TRAK1: variants seen among roughly 807,000 people sequenced by gnomAD.
TRAK1 encodes the protein trafficking kinesin-binding protein 1.
Under a neutral mutation model 92.1 loss-of-function variants are expected in TRAK1, and 33 were observed. The ratio of observed to expected loss-of-function variants is 0.36; its 90% CI spans 0.27 to 0.48. The LOEUF (loss-of-function observed/expected upper bound fraction) is 0.48, where lower values mean the gene tolerates loss of function less well. Ranked by LOEUF, TRAK1 falls within the 20% of genes least tolerant of loss-of-function variation. TRAK1 has a pLI of 0.99. For synonymous variants in TRAK1, 521 were observed against 517.3 expected (o/e 1.01, Z -0.10); for missense variants, 1,123 against 1,257.9 (o/e 0.89, Z 1.62).
chr3:42,151,798 C>T (rs1251354712), intron 2 of TRAK1, among the ~76,000 whole-genome samples: 1 of 152,160 alleles, frequency 6.6e-6, no homozygotes, highest in Non-Finnish European at 1.5e-5. Context: ...CTTTTATTTG[C>T]CTCTGTCTTT....
chr3:42,152,990 T>A (rs1208506149), intron 2 of TRAK1, among the ~76,000 whole-genome samples: 2 of 152,180 alleles, frequency 1.3e-5, no homozygotes. Flanking sequence ...GGAACCTTTA[T>A]GGAGTGTAAA....
intron 1 of TRAK1, among the ~76,000 whole-genome samples, chr3:42,110,256 G>A (rs187377521): frequency 2.6e-5 from 4 of 151,640 alleles, no homozygotes; most frequent in South Asian, 2.1e-4. Flanking sequence ...GGCAGTTCCC[G>A]GCTGTGGCTG....
In TRAK1 at chr3:42,223,872, A is replaced by C; in HGVS notation, c.*135A>C. 2 of 1,048,130 alleles carry C rather than the reference A, an allele frequency of 1.9e-6. No individual in the cohort carries two copies. Among genetic ancestry groups the C allele is most frequent in the Non-Finnish European group, 2.8e-6 (2 of 723,164 alleles). The allele number at this position is 1,048,130 out of a possible 1,614,324, so 64.9% of individuals were successfully genotyped here. A position where few individuals can be genotyped will look rare whatever the true frequency, so the allele number is the denominator to read the frequency against. On this transcript the variant is annotated 3_prime_UTR_variant, in exon 16 of 16. Transcript: ENST00000327628. The surrounding 1 kb of genome is among the most constrained non-coding windows in gnomAD (Gnocchi z 6.1). ...CACCCCCTCCTAAGCTAGACAAATC[A>C]ACCTCGTGCCTAATGGAGGAAGTGT...
In TRAK1 at chr3:42,173,392, A is replaced by G. The variant is rs546567732; in HGVS notation, c.287-3422A>G. Among the ~76,000 whole-genome samples the G allele has an allele frequency of 2.0e-5, 3 of 152,280 alleles. No individual in the cohort carries two copies. The East Asian group carries it at 5.8e-4, about 29-fold the overall frequency. On this transcript the variant is annotated intron_variant, in intron 2 of 15. Transcript: ENST00000327628. ...ACCTGTGTTTATGCTGTCTGAAGGCATGGTTTATTATTTTTTCACCTTCAT... is the reference window on the plus strand; with the variant it reads ...ACCTGTGTTTATGCTGTCTGAAGGCGTGGTTTATTATTTTTTCACCTTCAT...
intron 3 of TRAK1, among the ~76,000 whole-genome samples, chr3:42,183,826 G>T (rs1704393008): frequency 6.6e-6 from 1 of 152,160 alleles, no homozygotes; most frequent in African/African-American, 2.4e-5. Context: ...AATCTGACTG[G>T]TAGCAACTCG....
At chr3:42,027,879 C>T (rs1283083214) in intron 1 of TRAK1, among the ~76,000 whole-genome samples, 8 of 151,968 alleles carry the variant, frequency 5.3e-5, no homozygotes, top group Non-Finnish European at 1.2e-4. Flanking sequence ...GATGGAGTTT[C>T]GCTCTCGTTG....
Position 42,047,922 on chromosome 3 carries a change from C to CTTTTTT in TRAK1, c.-519+33817_-519+33822dup, listed in dbSNP as rs11422406. 2.9e-4 allele frequency among the ~76,000 whole-genome samples: 37 copies of CTTTTTT among 129,186 alleles called. 1 individual carries two copies. The highest frequency in any genetic ancestry group is 4.1e-4 in the Non-Finnish European group (25 of 61,562). The allele number at this position is 129,186 out of a possible 152,430, so 84.8% of individuals were successfully genotyped here. A position where few individuals can be genotyped will look rare whatever the true frequency, so the allele number is the denominator to read the frequency against. On this transcript the variant is annotated intron_variant, in intron 1 of 16. Coordinates refer to the TRAK1 transcript ENST00000487159. ...AACACTCCCCCCCATAGTTTCTTTTCTTTTTTTTTTTTTTTTTGGTAAAAT... is the reference window on the plus strand; with the variant it reads ...AACACTCCCCCCCATAGTTTCTTTTCTTTTTTTTTTTTTTTTTTTTTTTGGTAAAAT...
upstream of TRAK1, among the ~76,000 whole-genome samples, chr3:42,083,574 C>T (rs1232084057): frequency 6.6e-6 from 1 of 152,112 alleles, no homozygotes; most frequent in African/African-American, 2.4e-5. Flanking sequence ...CTATCTTTCA[C>T]TTAAATTTCT....
intron 1 of TRAK1, among the ~76,000 whole-genome samples, chr3:42,123,481 C>T (rs1710166509): frequency 6.6e-6 from 1 of 152,250 alleles, no homozygotes; most frequent in Admixed American, 6.5e-5. Context: ...TGACAGTAGC[C>T]TCCCGTGTGG....
intron 1 of TRAK1, among the ~76,000 whole-genome samples, chr3:42,072,587 T>G (rs1703984504): frequency 6.6e-6 from 1 of 151,816 alleles, no homozygotes; most frequent in Non-Finnish European, 1.5e-5. Flanking sequence ...TCTTCCTCAT[T>G]TTGGGAGACA....
chr3:42,053,230 T>C (rs1703051515), intron 1 of TRAK1, among the ~76,000 whole-genome samples: 1 of 152,050 alleles, frequency 6.6e-6, no homozygotes, highest in Non-Finnish European at 1.5e-5. Flanking sequence ...TTTTCTCTAA[T>C]GTTTACAGTT....
At chr3:42,075,320 G>A in intron 1 of TRAK1, among the ~76,000 whole-genome samples, 1 of 117,008 alleles carries the variant, frequency 8.5e-6, no homozygotes, top group African/African-American at 3.6e-5. Flanking sequence ...CAGCTTGGGT[G>A]ACAGAGTGAG....
At chr3:42,044,536 A>G (rs1702682123) in intron 1 of TRAK1, among the ~76,000 whole-genome samples, 1 of 152,202 alleles carries the variant, frequency 6.6e-6, no homozygotes, top group African/African-American at 2.4e-5. Flanking sequence ...TAAGAGGGCA[A>G]CTTTCCTAGA....
In TRAK1 at chr3:42,170,017, C is replaced by G. The variant is rs1702354574; in HGVS notation, c.287-6797C>G. On this transcript the variant is annotated intron_variant, in intron 2 of 15. Transcript: ENST00000327628. ...AATGGCAGGCACACAAGTGCGAGGC[C>G]AGACATCTGAGAGTGGCATCACTGG... is the stretch of plus-strand genomic sequence containing the variant. Among the ~76,000 whole-genome samples, 3 of 152,116 alleles carry G rather than the reference C, an allele frequency of 2.0e-5. No homozygotes were observed. The South Asian group carries it at 6.2e-4, about 32-fold the overall frequency.
chr3:42,152,918 T>C (rs1700112040), intron 2 of TRAK1, among the ~76,000 whole-genome samples: 1 of 152,160 alleles, frequency 6.6e-6, no homozygotes, highest in Admixed American at 6.5e-5. Context: ...CATCCTGGGA[T>C]TTCTGTGAGC....
chr3:42,075,214 G>T (rs906372896), intron 1 of TRAK1, among the ~76,000 whole-genome samples: 5 of 151,766 alleles, frequency 3.3e-5, no homozygotes, highest in African/African-American at 1.2e-4. Context: ...GGTGGCTCAC[G>T]CCTATAATCC....
At chr3:42,021,999 T>G (rs1292950938) in intron 1 of TRAK1, among the ~76,000 whole-genome samples, 3 of 152,366 alleles carry the variant, frequency 2.0e-5, no homozygotes, top group East Asian at 3.9e-4. Context: ...AAAAATAGTT[T>G]GGAACAGGTA....
chr3:42,208,920 A>T (rs1367032644), intron 13 of TRAK1, among the ~76,000 whole-genome samples: 1 of 152,114 alleles, frequency 6.6e-6, no homozygotes, highest in East Asian at 1.9e-4. Flanking sequence ...CTCAGTAAAA[A>T]CACTTAACTC....
chr3:42,134,578 CTTTTT>C (rs547455969), intron 2 of TRAK1, among the ~76,000 whole-genome samples: 1,936 of 76,258 alleles, frequency 0.025, 32 homozygotes, highest in Non-Finnish European at 0.031. Context: ...TGCCTGGTCT[CTTTTT>C]TTTTTTTTTT....
Sources: gnomAD v4.1 joint callset for allele counts (sites outside exome capture counted in the v4.1 genomes callset) on GRCh38, gnomAD v4.1.1 for gene constraint, Gnocchi (gnomAD v3.1) non-coding constraint, MANE v1.5 for transcripts, NCBI Gene and HGNC (gene_info 2026-07-23, HGNC 2026-07-21) for gene names.